The following ITGA6 variants were observed in gnomAD, a reference collection of about 807,000 sequenced individuals.
ITGA6 encodes the protein integrin subunit alpha 6, also known as integrin alpha-6.
In ITGA6, 63 loss-of-function variants were observed where a neutral mutation model predicts 133.6. The observed-to-expected ratio is 0.47, with a 90% CI of 0.38 to 0.58. The LOEUF (loss-of-function observed/expected upper bound fraction) is 0.58. ITGA6 is among the 20% of genes least tolerant of loss of function. ITGA6 has a pLI of 0.00. For missense variants in ITGA6, 1,068 were observed against 1,309.4 expected, an observed-to-expected ratio of 0.82 and a Z score of 2.85; for synonymous variants, 434 against 482.0, an observed-to-expected ratio of 0.90 and a Z score of 1.30.
chr2:172,466,817 C>T (rs6728419), intron 2 of ITGA6, among the ~76,000 whole-genome samples: 22,081 of 152,072 alleles, frequency 0.15, 1,723 homozygotes, highest in Non-Finnish European at 0.17. Flanking sequence ...AGATTAAAAC[C>T]TGTGTCTGTA....
chr2:172,458,293 T>C (rs1685296214), intron 1 of ITGA6, among the ~76,000 whole-genome samples: 1 of 149,716 alleles, frequency 6.7e-6, no homozygotes, highest in South Asian at 2.1e-4. Context: ...CAGGCTGGAG[T>C]GCAGTAGTAC....
intron 1 of ITGA6, among the ~76,000 whole-genome samples, chr2:172,463,050 A>T (rs1685498084): frequency 6.6e-6 from 1 of 151,874 alleles, no homozygotes; most frequent in Non-Finnish European, 1.5e-5. Flanking sequence ...CCATCCTCTC[A>T]TTGCCTCTAG....
At chr2:172,459,097 G>A (rs1474061601) in intron 1 of ITGA6, among the ~76,000 whole-genome samples, 1 of 152,064 alleles carries the variant, frequency 6.6e-6, no homozygotes, top group African/African-American at 2.4e-5. Flanking sequence ...CAAATGAAAC[G>A]ATCCACACAC....
chr2:172,438,268 C>A (rs1014188798), intron 1 of ITGA6, among the ~76,000 whole-genome samples: 1 of 151,612 alleles, frequency 6.6e-6, no homozygotes, highest in African/African-American at 2.4e-5. Flanking sequence ...GGTGAGAGGA[C>A]GTACCGTGGG....
intron 1 of ITGA6, chr2:172,428,699 G>A (rs1683983579): frequency 6.6e-6 from 1 of 152,318 alleles, no homozygotes; most frequent in South Asian, 2.1e-4. Flanking sequence ...GCGTTGGGCG[G>A]GCACAGCCAA....
rs761245728 is a variant in ITGA6, at chr2:172,427,907, C to T, written c.119C>T (p.Pro40Leu). 1.3e-5 allele frequency: 21 copies of T among 1,607,122 alleles called. No individual in the cohort carries two copies. Among genetic ancestry groups the T allele is most frequent in the Non-Finnish European group, 1.7e-5 (20 of 1,177,240 alleles). Reference sequence around the variant, plus strand: ...AACGTGATCCGGAAATATGGAGACCCCGGGAGCCTCTTCGGCTTCTCGCTG... The same window carrying T: ...AACGTGATCCGGAAATATGGAGACCTCGGGAGCCTCTTCGGCTTCTCGCTG... Reference protein sequence around the residue: ...EDNVIRKYGDPGSLFGFSLAM... With the variant: ...EDNVIRKYGDLGSLFGFSLAM... The change falls in exon 1 of 26, where the codon CCC (proline) becomes CTC (leucine). Residue 40 changes from proline to leucine, a missense_variant. Pro to Leu is a moderately conservative substitution (Grantham distance 98, BLOSUM62 -3). Transcript: ENST00000684293.
chr2:172,474,324 T>C, intron 6 of ITGA6, 59 bp downstream of exon 6: 2 of 1,456,000 alleles, frequency 1.4e-6, no homozygotes, highest in South Asian at 1.1e-5. Flanking sequence ...CTAGCTTCTA[T>C]ACGACTGGAG....
At chr2:172,466,377 T>G (rs1039559377) in intron 2 of ITGA6, among the ~76,000 whole-genome samples, 37 of 152,242 alleles carry the variant, frequency 2.4e-4, no homozygotes, top group African/African-American at 8.9e-4. Context: ...CCTAGCATTT[T>G]GGGAGGCCGA....
rs141685354 is a variant in ITGA6 at position 172,494,987 on chromosome 2, C to T, written c.2989-2988C>T. On this transcript the variant is annotated intron_variant, in intron 23 of 25. Coordinates refer to ENST00000684293, the MANE Select transcript of ITGA6 (RefSeq NM_000210.4). ...AAAATTCAGAGAACAACTTAAGATA[C>T]GGATCCTTTTATAAGATGGCCTGTT... 3.1e-3 allele frequency among the ~76,000 whole-genome samples: 467 copies of T among 152,232 alleles called. 3 individuals carry two copies. Among genetic ancestry groups the T allele is most frequent in the African/African-American group, 0.011 (456 of 41,546 alleles).
In ITGA6 at chr2:172,474,319, T is replaced by A; in HGVS notation, c.986+54T>A. The A allele has an allele frequency of 6.0e-6, 9 of 1,489,978 alleles. No homozygotes were observed. In the South Asian group the frequency reaches 1.0e-4, roughly 17 times the overall value. The allele number at this position is 1,489,978 out of a possible 1,614,324, so 92.3% of individuals were successfully genotyped here. A position where few individuals can be genotyped will look rare whatever the true frequency, so the allele number is the denominator to read the frequency against. ...GCAAATCATTTCTGCTTTGACTAGC[T>A]TCTATACGACTGGAGAAGAGCCGTC... On this transcript the variant is annotated intron_variant, in intron 6 of 25. Transcript: ENST00000684293.
rs929999463 is a variant in ITGA6, at chr2:172,471,101, C to T, written c.771C>T (p.Tyr257=). ...TCGTTCCTGTTCCTGCTAACAGTTA[C>T]TTAGGTAGGAGCAGGCACAGATGGC... is the stretch of plus-strand genomic sequence containing the variant. ...ESLVPVPANS[Y]LGFSLDSGKG... The change falls in exon 5 of 26, where the codon TAC becomes TAT. Residue 257 remains tyrosine (Y), a synonymous_variant. Coordinates refer to ENST00000684293, the MANE Select transcript of ITGA6 (RefSeq NM_000210.4). The T allele has an allele frequency of 6.2e-7, 1 of 1,614,198 alleles. No homozygotes were observed. The highest frequency in any genetic ancestry group is 1.1e-5 in the South Asian group (1 of 91,084).
At chr2:172,432,795 G>A (rs1684156866) in intron 1 of ITGA6, among the ~76,000 whole-genome samples, 2 of 152,204 alleles carry the variant, frequency 1.3e-5, no homozygotes, top group Non-Finnish European at 1.5e-5. Context: ...GACTTGCTGA[G>A]GTGGTTGGTT....
At chr2:172,441,915 G>A (rs1196906314) in intron 1 of ITGA6, among the ~76,000 whole-genome samples, 1 of 152,116 alleles carries the variant, frequency 6.6e-6, no homozygotes, top group Non-Finnish European at 1.5e-5. Context: ...CCTAAGCAGA[G>A]GTCCAGCTAG....
intron 25 of ITGA6, 83 bp downstream of exon 25, chr2:172,501,984 T>C: frequency 8.2e-7 from 1 of 1,219,718 alleles, no homozygotes; most frequent in Non-Finnish European, 1.2e-6. Flanking sequence ...CAGCTTGCTA[T>C]GTGTGTCCCA....
At chr2:172,468,939 T>G (rs1685798276) in intron 3 of ITGA6, 186 bp from the exon 4 acceptor site, 6 of 623,434 alleles carry the variant, frequency 9.6e-6, no homozygotes, top group Non-Finnish European at 2.8e-6. Context: ...CTATATGTCT[T>G]CATAATGGTC....
chr2:172,482,922 C>T (rs1357525568), intron 11 of ITGA6, among the ~76,000 whole-genome samples: 1 of 152,222 alleles, frequency 6.6e-6, no homozygotes, highest in East Asian at 1.9e-4. Flanking sequence ...TTCTGTTCAT[C>T]TGTTCCATAA....
intron 1 of ITGA6, among the ~76,000 whole-genome samples, chr2:172,460,476 A>C (rs1685387160): frequency 6.6e-6 from 1 of 152,210 alleles, no homozygotes; most frequent in South Asian, 2.1e-4. Context: ...GGGAGGTGGC[A>C]GTTTGTTCTT....
chr2:172,429,160 C>T (rs545336866), intron 1 of ITGA6, among the ~76,000 whole-genome samples: 106 of 148,790 alleles, frequency 7.1e-4, no homozygotes, highest in Middle Eastern at 3.5e-3. Context: ...TGTTGCAGCC[C>T]CTGAATTTTA....
In ITGA6 at chr2:172,487,766, C is replaced by A. The variant is rs1290214888; in HGVS notation, c.2283C>A (p.Thr761=). 1 of 1,612,448 alleles carries A rather than the reference C, an allele frequency of 6.2e-7. No homozygotes were observed. Among genetic ancestry groups the A allele is most frequent in the Non-Finnish European group, 8.5e-7 (1 of 1,178,740 alleles). Residue 761 remains threonine, a synonymous_variant, in exon 17 of 26, where the codon ACC becomes ACA. Coordinates refer to ENST00000684293, the MANE Select transcript of ITGA6 (RefSeq NM_000210.4). The stretch of plus-strand genomic sequence containing the variant: ...TGGTTTTAAGTACAACTGAAGTCAC[C>A]TTTGACACCCCAGATCTGGATATTA... ...FYLVLSTTEV[T]FDTPDLDINL... is the part of the protein sequence containing the mutation.
Sources: gnomAD v4.1 joint callset for allele counts (sites outside exome capture counted in the v4.1 genomes callset) on GRCh38, gnomAD v4.1.1 for gene constraint, MANE v1.5 for transcripts, NCBI Gene and HGNC (gene_info 2026-07-23, HGNC 2026-07-21) for gene names.